SRPRB: variants seen among roughly 807,000 people sequenced by gnomAD.
The protein encoded by SRPRB is signal recognition particle receptor subunit beta.
In SRPRB, 20 loss-of-function variants were observed where a neutral mutation model predicts 31.9. The ratio of observed to expected loss-of-function variants is 0.63; its 90% CI spans 0.44 to 0.91. SRPRB has a LOEUF of 0.91. SRPRB is among the 40% of genes least tolerant of loss of function. The pLI, the probability that SRPRB is intolerant of heterozygous loss-of-function variation, is 0.00. For synonymous variants in SRPRB, 146 were observed against 132.8 expected (o/e 1.10, Z -0.68); for missense variants, 321 against 324.9 (o/e 0.99, Z 0.09).
chr3:133,807,627 C>G (rs1047242213), intron 2 of SRPRB, 119 bp from the exon 3 acceptor site: 4 of 681,530 alleles, frequency 5.9e-6, no homozygotes, highest in Non-Finnish European at 1.0e-5. Flanking sequence ...TCGTCTTTTT[C>G]ACCTGTCGGA....
chr3:133,795,480 C>T (rs1934943308), intron 1 of SRPRB: 2 of 151,964 alleles, frequency 1.3e-5, no homozygotes, highest in East Asian at 1.9e-4. Flanking sequence ...TCCAAAAGCC[C>T]AAAGTGTTGG....
intron 4 of SRPRB, among the ~76,000 whole-genome samples, chr3:133,812,869 C>G (rs758891895): frequency 1.3e-5 from 2 of 152,182 alleles, no homozygotes; most frequent in Non-Finnish European, 2.9e-5. Context: ...TACCAGGATG[C>G]TTATGGTCTT....
chr3:133,796,078 C>A (rs1247268045), intron 1 of SRPRB: 1 of 152,972 alleles, frequency 6.5e-6, no homozygotes, highest in Non-Finnish European at 1.5e-5. Context: ...TTCCTGACAG[C>A]ATAGATATCC....
In SRPRB at chr3:133,789,879, G is replaced by GTTTTT. The variant is rs56267966; in HGVS notation, c.-174+5760_-174+5764dup. On this transcript the variant is annotated intron_variant, in intron 1 of 7. Coordinates refer to the SRPRB transcript ENST00000466490. The stretch of plus-strand genomic sequence containing the variant: ...GCCAAAACAAAACGATCTCGTTTGC[G>GTTTTT]TTTTTTTTTTTTTTTTTTTTTTTTT... 549 of 88,910 alleles carry GTTTTT rather than the reference G, an allele frequency of 6.2e-3. 73 individuals carry two copies. The highest frequency in any genetic ancestry group is 9.8e-3 in the African/African-American group (179 of 18,250). The allele number at this position is 88,910 out of a possible 1,614,324, so 5.5% of individuals were successfully genotyped here. A position where few individuals can be genotyped will look rare whatever the true frequency, so the allele number is the denominator to read the frequency against.
chr3:133,819,315 T>G (rs1013646581), intron 6 of SRPRB, among the ~76,000 whole-genome samples: 1 of 152,156 alleles, frequency 6.6e-6, no homozygotes, highest in African/African-American at 2.4e-5. Context: ...TGACCTGGTC[T>G]ACTGCTGACC....
At chr3:133,809,784 A>C (rs1935225579) in intron 3 of SRPRB, among the ~76,000 whole-genome samples, 1 of 152,196 alleles carries the variant, frequency 6.6e-6, no homozygotes, top group Admixed American at 6.5e-5. Context: ...ATCATTAATA[A>C]TTTCTTTTTT....
intron 1 of SRPRB, chr3:133,789,885 T>G (rs1322314284): frequency 2.4e-5 from 1 of 42,098 alleles, no homozygotes; most frequent in African/African-American, 5.4e-5. Flanking sequence ...TTGCGTTTTT[T>G]TTTTTTTTTT....
rs140649441 is a variant in SRPRB, at chr3:133,811,122, T to C, written c.333T>C (p.Asn111=). ...AVYRVNNNRG[N]SLTLIDLPGH... is the part of the protein sequence containing the mutation. Reference sequence around the variant, plus strand: ...GTTATTGCTGCCATCCCCAGGGCAATAGTCTGACCTTGATTGACCTTCCCG... The same window carrying C: ...GTTATTGCTGCCATCCCCAGGGCAACAGTCTGACCTTGATTGACCTTCCCG... Residue 111 remains asparagine (N), a synonymous_variant, in exon 4 of 7, where the codon AAT becomes AAC. Coordinates refer to ENST00000678299, the MANE Select transcript of SRPRB (RefSeq NM_001379313.1). The C allele has an allele frequency of 2.8e-4, 446 of 1,614,150 alleles. 1 individual carries two copies. In the African/African-American group the frequency reaches 5.6e-3, roughly 20 times the overall value.
chr3:133,806,570 A>G, intron 1 of SRPRB, 39 bp from the exon 2 acceptor site: 6 of 1,545,848 alleles, frequency 3.9e-6, no homozygotes, highest in Non-Finnish European at 5.4e-6. Flanking sequence ...CTGATTCCCA[A>G]GGCGTAATTT....
At chr3:133,800,271 T>G (rs1377376976) in intron 1 of SRPRB, among the ~76,000 whole-genome samples, 1 of 152,230 alleles carries the variant, frequency 6.6e-6, no homozygotes, top group Non-Finnish European at 1.5e-5. Context: ...CCAGCAGTTT[T>G]GGTATAGAGC....
chr3:133,814,232 C>T (rs1037357666), intron 4 of SRPRB, among the ~76,000 whole-genome samples: 2 of 149,460 alleles, frequency 1.3e-5, no homozygotes, highest in African/African-American at 2.5e-5. Context: ...CCCAGGTTTA[C>T]GCCATTCTCC....
chr3:133,825,102 C>T (rs1935537413), downstream of SRPRB: 1 of 152,188 alleles, frequency 6.6e-6, no homozygotes, highest in Non-Finnish European at 1.5e-5. Flanking sequence ...TGCACACAGA[C>T]ATCCTTCTGT....
In SRPRB at chr3:133,805,868, G is replaced by T. The variant is rs149930354; in HGVS notation, c.20G>T (p.Arg7Leu). Residue 7 changes from arginine to leucine, a missense_variant, in exon 1 of 7, where the codon CGC (arginine) becomes CTC (leucine). Transcript: ENST00000678299. ...TCATCCATGGCTTCCGCGGACTCGC[G>T]CCGGGTGGCAGATGGCGGCGGTGCC... MASADSRRVADGGGAGG... is the reference protein window; with the variant it reads MASADSLRVADGGGAGG... The T allele has an allele frequency of 1.2e-6, 2 of 1,611,608 alleles. No homozygotes were observed. Among genetic ancestry groups the T allele is most frequent in the African/African-American group, 2.7e-5 (2 of 74,846 alleles).
chr3:133,822,141 A>AGGAT (rs1453352469), downstream of SRPRB, among the ~76,000 whole-genome samples: 1 of 152,012 alleles, frequency 6.6e-6, no homozygotes, highest in Non-Finnish European at 1.5e-5. Context: ...CCAGAGTAGA[A>AGGAT]GGATGGATGT....
intron 1 of SRPRB, among the ~76,000 whole-genome samples, chr3:133,797,359 T>C (rs147911787): frequency 3.3e-5 from 5 of 152,214 alleles, no homozygotes; most frequent in South Asian, 2.1e-4. Flanking sequence ...GGGGAAGGGC[T>C]TTAGGCCATG....
intron 1 of SRPRB, chr3:133,790,284 T>A (rs1035446823): frequency 9.8e-5 from 15 of 152,372 alleles, no homozygotes; most frequent in African/African-American, 3.6e-4. Context: ...AATTCCCATA[T>A]CTGATAGTTC....
rs770024361 is a variant in SRPRB at position 133,815,579 on chromosome 3, TC to T, written c.411-10del. ...GTTCACATGCCAGTTTTTCTTGTTT[TC>T]TCCCTCCAGGGCTATTGTGTTTGTT... On this transcript the variant is annotated splice_polypyrimidine_tract_variant and intron_variant, in intron 4 of 6. Coordinates refer to ENST00000678299, the MANE Select transcript of SRPRB (RefSeq NM_001379313.1). The T allele has an allele frequency of 5.6e-6, 9 of 1,612,490 alleles. No individual in the cohort carries two copies. The African/African-American group carries it at 1.1e-4, about 19-fold the overall frequency.
intron 3 of SRPRB, among the ~76,000 whole-genome samples, chr3:133,809,075 C>T (rs1309146387): frequency 2.0e-5 from 3 of 151,840 alleles, no homozygotes; most frequent in Non-Finnish European, 4.4e-5. Context: ...TCACTGCAAC[C>T]TCTGCCTCCC....
At position 133,820,104 on chromosome 3, in the gene SRPRB, G is replaced by A; in HGVS notation, c.*338G>A. On this transcript the variant is annotated 3_prime_UTR_variant, in exon 7 of 7. Transcript: ENST00000678299. Reference sequence around the variant, plus strand: ...TGAGAATATGGCCATCACCTGAAAAGTTTTCTTATCTTCTGTGCTTTTGGT... The same window carrying A: ...TGAGAATATGGCCATCACCTGAAAAATTTTCTTATCTTCTGTGCTTTTGGT... 4.6e-6 allele frequency: 1 copy of A among 219,734 alleles called. No individual in the cohort carries two copies. The highest frequency in any genetic ancestry group is 9.2e-6 in the Non-Finnish European group (1 of 108,598). The allele number at this position is 219,734 out of a possible 1,614,324, so 13.6% of individuals were successfully genotyped here.
Sources: gnomAD v4.1 joint callset for allele counts (sites outside exome capture counted in the v4.1 genomes callset) on GRCh38, gnomAD v4.1.1 for gene constraint, MANE v1.5 for transcripts, NCBI Gene and HGNC (gene_info 2026-07-23, HGNC 2026-07-21) for gene names.